The following FGGY variants were observed in gnomAD, a reference collection of about 807,000 sequenced individuals.
The protein encoded by FGGY is FGGY carbohydrate kinase domain-containing protein.
In FGGY, 72 loss-of-function variants were observed where a neutral mutation model predicts 71.3. The observed-to-expected ratio is 1.01, with a 90% CI of 0.84 to 1.23. FGGY has a LOEUF of 1.23. Among genes scored for constraint, FGGY ranks in the 50% most tolerant of loss-of-function variants. The probability of loss-of-function intolerance (pLI) is 0.00; values close to 1 mark genes in which losing one functional copy is unlikely to be tolerated. For synonymous variants in FGGY, 251 were observed against 250.3 expected (o/e 1.00, Z -0.02); for missense variants, 668 against 682.3 (o/e 0.98, Z 0.23).
chr1:59,638,418 A>C (rs1002952423), intron 11 of FGGY, 43 bp downstream of exon 11: 44 of 1,594,134 alleles, frequency 2.8e-5, no homozygotes, highest in Non-Finnish European at 3.4e-5. Context: ...AGGCAGGCCA[A>C]AGGGCTACAA....
Position 59,638,338 on chromosome 1 carries a change from A to G in FGGY, c.1184A>G (p.Asn395Ser). Residue 395 changes from asparagine to serine, a missense_variant, in exon 11 of 16, where the codon AAC becomes AGC. Asn to Ser is a conservative substitution (Grantham distance 46). Transcript: ENST00000303721. ...DLHVWPDFHG[N>S]RSPLADLTLK... ...CATGTTTGGCCAGATTTCCATGGCA[A>G]CCGGTCTCCCTTAGCAGATCTGACA... 6.2e-7 allele frequency: 1 copy of G among 1,614,250 alleles called. No individual in the cohort carries two copies. The highest frequency in any genetic ancestry group is 8.5e-7 in the Non-Finnish European group (1 of 1,180,056).
At chr1:59,563,732 A>C (rs1468782146) in intron 8 of FGGY, among the ~76,000 whole-genome samples, 1 of 152,252 alleles carries the variant, frequency 6.6e-6, no homozygotes, top group Non-Finnish European at 1.5e-5. Context: ...TGTATAGCCA[A>C]GACAATCCTA....
rs188219579 is a variant in FGGY at position 59,594,600 on chromosome 1, G to T, written c.904-13203G>T. 3.9e-5 allele frequency among the ~76,000 whole-genome samples: 6 copies of T among 152,336 alleles called. No homozygotes were observed. The East Asian group carries it at 1.2e-3, about 29-fold the overall frequency. ...CAACCAGCACTAGGCATGGAGGGGT[G>T]CTTCCTCCCACCAAGGCTGAGTGCT... is the stretch of plus-strand genomic sequence containing the variant. On this transcript the variant is annotated intron_variant, in intron 8 of 15. Transcript: ENST00000303721.
intron 5 of FGGY, among the ~76,000 whole-genome samples, chr1:59,408,986 C>T (rs146675699): frequency 3.0e-3 from 451 of 152,226 alleles, no homozygotes; most frequent in South Asian, 6.6e-3. Flanking sequence ...CTTTTGTTTT[C>T]TTATTTAACT....
intron 14 of FGGY, among the ~76,000 whole-genome samples, chr1:59,708,035 C>G (rs61788949): frequency 2.6e-5 from 4 of 152,154 alleles, no homozygotes; most frequent in Non-Finnish European, 4.4e-5. Flanking sequence ...TAGGAGGTAA[C>G]TGTCCTAAGG....
intron 9 of FGGY, among the ~76,000 whole-genome samples, chr1:59,614,418 T>C (rs1262120822): frequency 6.6e-6 from 1 of 152,202 alleles, no homozygotes. Context: ...TCTCAATAGA[T>C]GCAGAAAAGG....
At chr1:59,458,410 G>A (rs958952302) in intron 6 of FGGY, among the ~76,000 whole-genome samples, 7 of 152,046 alleles carry the variant, frequency 4.6e-5, no homozygotes, top group African/African-American at 1.5e-4. Flanking sequence ...TTGGTACTAG[G>A]AGGTTGGCAC....
At chr1:59,460,951 A>G (rs988124767) in intron 6 of FGGY, among the ~76,000 whole-genome samples, 2 of 152,200 alleles carry the variant, frequency 1.3e-5, no homozygotes, top group Non-Finnish European at 2.9e-5. Flanking sequence ...ATAAAACTAT[A>G]AAGATGGAGA....
chr1:59,572,203 T>C (rs1206932628), intron 8 of FGGY, among the ~76,000 whole-genome samples: 2 of 152,150 alleles, frequency 1.3e-5, no homozygotes, highest in East Asian at 3.9e-4. Context: ...ATTTGGGTGG[T>C]CTAGAAGGCA....
intron 14 of FGGY, among the ~76,000 whole-genome samples, chr1:59,682,426 G>A (rs1484992272): frequency 6.6e-6 from 1 of 152,198 alleles, no homozygotes; most frequent in African/African-American, 2.4e-5. Context: ...ATTTGAGAGG[G>A]TTTAAAAGAG....
intron 11 of FGGY, among the ~76,000 whole-genome samples, chr1:59,647,899 T>G (rs1273906136): frequency 1.3e-5 from 1 of 75,978 alleles, no homozygotes; most frequent in Admixed American, 1.6e-4. Flanking sequence ...CCCTCCCCCC[T>G]CCCCCCACCC....
chr1:59,578,164 C>T (rs2153745645), intron 8 of FGGY, among the ~76,000 whole-genome samples: 1 of 152,120 alleles, frequency 6.6e-6, no homozygotes, highest in Middle Eastern at 3.4e-3. Flanking sequence ...GTGTGTGGGT[C>T]CAGCACAAGG....
chr1:59,406,816 T>C (rs1288721056), intron 5 of FGGY, among the ~76,000 whole-genome samples: 1 of 152,236 alleles, frequency 6.6e-6, no homozygotes, highest in Non-Finnish European at 1.5e-5. Flanking sequence ...AATCTGTGTG[T>C]ATATGATATG....
At position 59,551,182 on chromosome 1, in the gene FGGY, C is replaced by CA. The variant is rs2095602720; in HGVS notation, c.800-2940dup. On this transcript the variant is annotated intron_variant, in intron 7 of 15. Transcript: ENST00000303721. ...AAACATCTCTTTTTAAGCATTTCTG[C>CA]AATATCACAACAACCATGTGATGTT... is the stretch of plus-strand genomic sequence containing the variant. 3.3e-5 allele frequency among the ~76,000 whole-genome samples: 5 copies of CA among 152,084 alleles called. No individual in the cohort carries two copies. In the South Asian group the frequency reaches 1.0e-3, roughly 32 times the overall value.
At chr1:59,473,027 T>A (rs1290443290) in intron 6 of FGGY, among the ~76,000 whole-genome samples, 3 of 152,106 alleles carry the variant, frequency 2.0e-5, no homozygotes, top group Non-Finnish European at 4.4e-5. Context: ...CAGCAGGTTG[T>A]GGGTGGGGCC....
rs568100880 is a variant in FGGY, at chr1:59,551,475, C to A, written c.800-2649C>A. Among the ~76,000 whole-genome samples, 14 of 152,268 alleles carry A rather than the reference C, an allele frequency of 9.2e-5. No homozygotes were observed. In the South Asian group the frequency reaches 2.9e-3, roughly 32 times the overall value. On this transcript the variant is annotated intron_variant, in intron 7 of 15. Coordinates refer to ENST00000303721, the MANE Select transcript of FGGY (RefSeq NM_018291.5). Reference sequence around the variant, plus strand: ...GGGTGATTCTCAGGAATTCCTTGAACCTATTTATGATACTGTGGAGCAGCG... The same window carrying A: ...GGGTGATTCTCAGGAATTCCTTGAAACTATTTATGATACTGTGGAGCAGCG...
In FGGY at chr1:59,474,175, A is replaced by G. The variant is rs572137378; in HGVS notation, c.670+17099A>G. ...TAAAGAGCCAGAAGGGCAAAGGAGT[A>G]ACATTGACCACATCATGGTGATACA... On this transcript the variant is annotated intron_variant, in intron 6 of 15. Coordinates refer to ENST00000303721, the MANE Select transcript of FGGY (RefSeq NM_018291.5). 3 of 152,346 alleles carry G rather than the reference A, an allele frequency of 2.0e-5. No homozygotes were observed. In the East Asian group the frequency reaches 5.8e-4, roughly 29 times the overall value. The allele number at this position is 152,346 out of a possible 1,614,324, so 9.4% of individuals were successfully genotyped here.
At chr1:59,610,629 T>C (rs866209143) in intron 9 of FGGY, among the ~76,000 whole-genome samples, 48 of 152,186 alleles carry the variant, frequency 3.2e-4, no homozygotes, top group African/African-American at 1.1e-3. Flanking sequence ...GCTGAGATAC[T>C]GGGTTCATCT....
chr1:59,502,184 C>A (rs1417879213), intron 6 of FGGY, among the ~76,000 whole-genome samples: 1 of 152,212 alleles, frequency 6.6e-6, no homozygotes, highest in Non-Finnish European at 1.5e-5. Context: ...TGTCCACCCC[C>A]TAACCTGAAC....
Sources: allele counts gnomAD v4.1 joint callset (sites outside exome capture counted in the v4.1 genomes callset), GRCh38; gene constraint gnomAD v4.1.1; transcripts MANE v1.5; gene names NCBI Gene and HGNC (gene_info 2026-07-23, HGNC 2026-07-21).